Variants in CDH12 observed in about 807,000 individuals in gnomAD.
The protein encoded by CDH12 is cadherin 12.
CDH12 carries 41 observed loss-of-function variants against 74.1 expected under a neutral mutation model. That is an observed-to-expected ratio of 0.55 (90% CI 0.43 to 0.72). The LOEUF (loss-of-function observed/expected upper bound fraction) is 0.72. Among genes scored for constraint, CDH12 ranks in the 30% least tolerant of loss-of-function variants. CDH12 has a pLI of 0.00. For missense variants in CDH12, 945 were observed against 977.2 expected (o/e 0.97, Z 0.44); for synonymous variants, 399 against 355.0 (o/e 1.12, Z -1.39).
chr5:22,210,042 T>C (rs1454174518), intron 4 of CDH12, among the ~76,000 whole-genome samples: 4 of 145,382 alleles, frequency 2.8e-5, no homozygotes, highest in African/African-American at 7.6e-5. Context: ...TCAACTTTCA[T>C]ATGTTTTTAT....
At chr5:21,867,221 G>T (rs1475650617) in intron 6 of CDH12, among the ~76,000 whole-genome samples, 2 of 152,114 alleles carry the variant, frequency 1.3e-5, no homozygotes, top group Non-Finnish European at 2.9e-5. Flanking sequence ...CAGGTGTGGA[G>T]GTGTGTGCCT....
chr5:21,818,894 C>T (rs1408308692), intron 8 of CDH12, among the ~76,000 whole-genome samples: 2 of 151,932 alleles, frequency 1.3e-5, no homozygotes, highest in Non-Finnish European at 2.9e-5. Flanking sequence ...ATGAAGGAAT[C>T]TCAGTTAAGG....
intron 4 of CDH12, among the ~76,000 whole-genome samples, chr5:22,183,300 A>T (rs1219305000): frequency 6.6e-6 from 1 of 152,180 alleles, no homozygotes; most frequent in Non-Finnish European, 1.5e-5. Context: ...TTTGGTGATC[A>T]GAATTTCTTT....
At position 22,078,464 on chromosome 5, in the gene CDH12, C is replaced by T. The variant is rs147803091; in HGVS notation, c.213G>A (p.Glu71=). ...CCATTACCTTTCCCACATACTGAGG[C>T]TCGGAGCCCACGTATTCTTCCAGCA... is the stretch of plus-strand genomic sequence containing the variant. ...FFVLEEYVGS[E]PQYVGKLHSD... is the part of the protein sequence containing the mutation. The change falls in exon 5 of 15, where the codon GAG becomes GAA. Residue 71 remains glutamate (E), a synonymous_variant. Coordinates refer to ENST00000382254, the MANE Select transcript of CDH12 (RefSeq NM_004061.5). 6.2e-7 allele frequency: 1 copy of T among 1,613,734 alleles called. No individual in the cohort carries two copies. Among genetic ancestry groups the T allele is most frequent in the African/African-American group, 1.3e-5 (1 of 74,986 alleles).
chr5:22,037,434 C>A (rs1739267894), intron 5 of CDH12, among the ~76,000 whole-genome samples: 2 of 152,196 alleles, frequency 1.3e-5, no homozygotes, highest in South Asian at 4.1e-4. Flanking sequence ...ATCCACAAGC[C>A]AAAGTATTCA....
At chr5:22,274,022 C>A (rs1054098637) in intron 3 of CDH12, among the ~76,000 whole-genome samples, 3 of 151,918 alleles carry the variant, frequency 2.0e-5, no homozygotes, top group Non-Finnish European at 2.9e-5. Flanking sequence ...ACTATGAATA[C>A]AATAATGAAA....
chr5:22,372,752 T>C (rs1281661419), intron 3 of CDH12, among the ~76,000 whole-genome samples: 3 of 152,066 alleles, frequency 2.0e-5, no homozygotes, highest in Non-Finnish European at 4.4e-5. Flanking sequence ...TCCTTCCAGG[T>C]GGTGGGCCCA....
At chr5:22,535,232 G>A (rs528093167) in intron 1 of CDH12, among the ~76,000 whole-genome samples, 92 of 141,198 alleles carry the variant, frequency 6.5e-4, no homozygotes, top group African/African-American at 2.4e-3. Flanking sequence ...TTGGCTCAAT[G>A]CAAGCTCCGC....
At chr5:22,450,688 T>C (rs1745006575) in intron 2 of CDH12, among the ~76,000 whole-genome samples, 2 of 151,896 alleles carry the variant, frequency 1.3e-5, no homozygotes, top group African/African-American at 4.8e-5. Flanking sequence ...AAAACATACA[T>C]TCAATGTTGT....
At chr5:22,762,565 A>C (rs1746283516) in intron 1 of CDH12, among the ~76,000 whole-genome samples, 1 of 152,024 alleles carries the variant, frequency 6.6e-6, no homozygotes, top group Non-Finnish European at 1.5e-5. Flanking sequence ...AGTCATTTAT[A>C]ACCTTGAAAA....
At chr5:21,900,320 C>T (rs1017607333) in intron 6 of CDH12, among the ~76,000 whole-genome samples, 1 of 152,062 alleles carries the variant, frequency 6.6e-6, no homozygotes, top group Non-Finnish European at 1.5e-5. Context: ...TATAAACTGG[C>T]TATTCAAGTA....
intron 4 of CDH12, among the ~76,000 whole-genome samples, chr5:22,169,178 C>T (rs1438615316): frequency 6.6e-5 from 10 of 151,004 alleles, no homozygotes; most frequent in Admixed American, 6.6e-4. Flanking sequence ...CTTTTGTTTT[C>T]TTTTGGTTTG....
intron 1 of CDH12, among the ~76,000 whole-genome samples, chr5:22,537,581 C>A (rs1239012570): frequency 6.6e-6 from 1 of 152,116 alleles, no homozygotes; most frequent in Non-Finnish European, 1.5e-5. Context: ...CCTGAGATAA[C>A]CTCCCCTCTG....
chr5:22,844,478 A>T (rs780681605), intron 1 of CDH12, among the ~76,000 whole-genome samples: 1 of 152,146 alleles, frequency 6.6e-6, no homozygotes, highest in African/African-American at 2.4e-5. Context: ...CCAAGGACTT[A>T]GAGTCTATTA....
At chr5:22,474,985 A>C (rs1031843264) in intron 2 of CDH12, among the ~76,000 whole-genome samples, 2 of 151,612 alleles carry the variant, frequency 1.3e-5, no homozygotes, top group East Asian at 3.9e-4. Context: ...GGTTAGATAG[A>C]TGAGGTCCCA....
At chr5:22,146,852 A>C (rs1747219088) in intron 4 of CDH12, among the ~76,000 whole-genome samples, 3 of 152,118 alleles carry the variant, frequency 2.0e-5, no homozygotes, top group Admixed American at 2.0e-4. Flanking sequence ...ACTTTGTATC[A>C]TATGAAAACA....
chr5:22,659,479 A>G (rs1168101865), intron 1 of CDH12, among the ~76,000 whole-genome samples: 2 of 152,150 alleles, frequency 1.3e-5, no homozygotes, highest in African/African-American at 2.4e-5. Flanking sequence ...ATCTATTTGC[A>G]TACATTATAT....
At chr5:22,191,577 T>TC (rs1750287730) in intron 4 of CDH12, among the ~76,000 whole-genome samples, 1 of 129,910 alleles carries the variant, frequency 7.7e-6, no homozygotes, top group African/African-American at 3.0e-5. Context: ...TTTTTTTTTT[T>TC]TTTTTGAGAC....
At chr5:22,571,241 A>G (rs1389285319) in intron 1 of CDH12, among the ~76,000 whole-genome samples, 1 of 151,996 alleles carries the variant, frequency 6.6e-6, no homozygotes, top group Non-Finnish European at 1.5e-5. Context: ...TGCATTTACA[A>G]CTTGGCTAAC....
Sources: allele counts gnomAD v4.1 joint callset (sites outside exome capture counted in the v4.1 genomes callset), GRCh38; gene constraint gnomAD v4.1.1; transcripts MANE v1.5; gene names NCBI Gene and HGNC (gene_info 2026-07-23, HGNC 2026-07-21).